Variants in DRD2 observed in about 807,000 individuals in gnomAD.
DRD2 encodes the protein dopamine receptor D2.
A neutral mutation model predicts 38.0 loss-of-function variants in DRD2; 8 were observed. The ratio of observed to expected loss-of-function variants is 0.21; its 90% CI spans 0.12 to 0.38. The LOEUF (loss-of-function observed/expected upper bound fraction) is 0.38. Ranked by LOEUF, DRD2 falls within the 10% of genes least tolerant of loss-of-function variation. The pLI is 1.00. For missense variants in DRD2, 403 were observed against 607.7 expected (o/e 0.66, Z 3.54); for synonymous variants, 230 against 238.6 (o/e 0.96, Z 0.33).
intron 1 of DRD2, chr11:113,424,919 G>A: frequency 1.9e-6 from 1 of 535,204 alleles, no homozygotes; most frequent in South Asian, 2.1e-5. Flanking sequence ...AATAAGATGA[G>A]CTTGAACAGA....
intron 1 of DRD2, among the ~76,000 whole-genome samples, chr11:113,450,961 C>T (rs2119905994): frequency 6.6e-6 from 1 of 152,258 alleles, no homozygotes; most frequent in Admixed American, 6.5e-5. Flanking sequence ...TTCCTGGAGA[C>T]CCAAAACATC....
Position 113,435,533 on chromosome 11 carries a change from C to T in DRD2, c.-31-10851G>A, listed in dbSNP as rs542497388. Reference sequence around the variant, plus strand: ...GGAGGTGTGGGGCTGGGGCCCCCTCCCTGAGAAGGGAACACAGTGGGGAGA... The same window carrying T: ...GGAGGTGTGGGGCTGGGGCCCCCTCTCTGAGAAGGGAACACAGTGGGGAGA... On this transcript the variant is annotated intron_variant, in intron 1 of 7. Coordinates refer to ENST00000362072, the MANE Select transcript of DRD2 (RefSeq NM_000795.4). Among the ~76,000 whole-genome samples, 246 of 152,178 alleles carry T rather than the reference C, an allele frequency of 1.6e-3. 1 individual carries two copies. The highest frequency in any genetic ancestry group is 2.2e-3 in the Non-Finnish European group (151 of 67,996).
chr11:113,469,674 A>T (rs1054174561), intron 1 of DRD2, among the ~76,000 whole-genome samples: 2 of 152,104 alleles, frequency 1.3e-5, no homozygotes, highest in Admixed American at 1.3e-4. Flanking sequence ...TATATCTACA[A>T]AAAATTCTTT....
At chr11:113,417,114 T>G (rs1030007806) in intron 3 of DRD2, 115 bp from the exon 4 acceptor site, 11 of 1,431,490 alleles carry the variant, frequency 7.7e-6, no homozygotes, top group African/African-American at 4.2e-5. Flanking sequence ...GACACACCTC[T>G]ATGAAGCTTG....
At chr11:113,466,408 G>A (rs1313945801) in intron 1 of DRD2, among the ~76,000 whole-genome samples, 1 of 139,328 alleles carries the variant, frequency 7.2e-6, no homozygotes, top group African/African-American at 2.5e-5. Flanking sequence ...ACACACCTGT[G>A]TATGTTTCCT....
intron 1 of DRD2, among the ~76,000 whole-genome samples, chr11:113,463,835 C>T (rs531289477): frequency 1.3e-5 from 2 of 152,262 alleles, no homozygotes; most frequent in East Asian, 3.9e-4. Context: ...AAGAGAGGCC[C>T]TTGGCCCAGG....
Position 113,437,994 on chromosome 11 carries a change from G to T in DRD2, c.-31-13312C>A, listed in dbSNP as rs554498269. 3.9e-5 allele frequency among the ~76,000 whole-genome samples: 6 copies of T among 152,228 alleles called. No homozygotes were observed. In the South Asian group the frequency reaches 1.2e-3, roughly 32 times the overall value. ...GAGCCCCCAGCTGCCTCTCCCAGTTGATGGAAGCAGGTTGGAAGAGCAGCC... is the reference window on the plus strand; with the variant it reads ...GAGCCCCCAGCTGCCTCTCCCAGTTTATGGAAGCAGGTTGGAAGAGCAGCC... On this transcript the variant is annotated intron_variant, in intron 1 of 7. Coordinates refer to ENST00000362072, the MANE Select transcript of DRD2 (RefSeq NM_000795.4).
At chr11:113,442,858 C>T (rs188449345) in intron 1 of DRD2, among the ~76,000 whole-genome samples, 59 of 152,328 alleles carry the variant, frequency 3.9e-4, no homozygotes, top group Non-Finnish European at 6.9e-4. Flanking sequence ...GGCAGGGCTG[C>T]TGGTGACCTG....
At chr11:113,470,946 G>T (rs547623342) in intron 1 of DRD2, among the ~76,000 whole-genome samples, 1 of 152,342 alleles carries the variant, frequency 6.6e-6, no homozygotes, top group Non-Finnish European at 1.5e-5. Flanking sequence ...GAGAGAAGAG[G>T]CTGTGCCTTC....
chr11:113,419,336 G>T (rs1221510774), intron 2 of DRD2, among the ~76,000 whole-genome samples: 1 of 152,194 alleles, frequency 6.6e-6, no homozygotes, highest in African/African-American at 2.4e-5. Flanking sequence ...CACCCGAGTG[G>T]GCTGGGGTAG....
At chr11:113,469,430 CT>C (rs1237553269) in intron 1 of DRD2, among the ~76,000 whole-genome samples, 1 of 152,138 alleles carries the variant, frequency 6.6e-6, no homozygotes. Context: ...TATTCTCCTC[CT>C]TTTCTTGTTC....
At chr11:113,413,091 C>T (rs1950786639) in intron 6 of DRD2, among the ~76,000 whole-genome samples, 1 of 152,188 alleles carries the variant, frequency 6.6e-6, no homozygotes, top group Admixed American at 6.5e-5. Context: ...TTTCCCATGG[C>T]AATCCTCATG....
chr11:113,434,669 A>G (rs1951019261), intron 1 of DRD2, among the ~76,000 whole-genome samples: 1 of 152,196 alleles, frequency 6.6e-6, no homozygotes, highest in Admixed American at 6.5e-5. Flanking sequence ...AAAGAAAAGC[A>G]CAGAGCTGGT....
chr11:113,427,292 C>G (rs1030694785), intron 1 of DRD2, among the ~76,000 whole-genome samples: 1 of 152,142 alleles, frequency 6.6e-6, no homozygotes, highest in African/African-American at 2.4e-5. Flanking sequence ...CTTTTCCAGT[C>G]CCTATGCATC....
chr11:113,435,355 C>T (rs1293153401), intron 1 of DRD2, among the ~76,000 whole-genome samples: 1 of 151,214 alleles, frequency 6.6e-6, no homozygotes, highest in Non-Finnish European at 1.5e-5. Flanking sequence ...GAGAATGGCT[C>T]AGTGATGCTG....
intron 2 of DRD2, among the ~76,000 whole-genome samples, chr11:113,423,478 G>A (rs1411339989): frequency 1.3e-5 from 2 of 152,118 alleles, no homozygotes; most frequent in African/African-American, 4.8e-5. Context: ...GTTTCACCAT[G>A]TTGGCCAGGC....
At chr11:113,472,949 A>C (rs556322710) in intron 1 of DRD2, among the ~76,000 whole-genome samples, 73 of 152,312 alleles carry the variant, frequency 4.8e-4, no homozygotes, top group Admixed American at 1.3e-3. Context: ...TGCATCCTTA[A>C]TTTCAGCAAA....
At chr11:113,417,884 A>G in intron 3 of DRD2, 143 bp downstream of exon 3, 1 of 721,986 alleles carries the variant, frequency 1.4e-6, no homozygotes, top group South Asian at 1.5e-5. Flanking sequence ...ATGCACACCC[A>G]TACACACAAA....
chr11:113,445,302 T>C (rs774218704), intron 1 of DRD2, among the ~76,000 whole-genome samples: 19 of 152,192 alleles, frequency 1.2e-4, no homozygotes, highest in Non-Finnish European at 2.6e-4. Flanking sequence ...ATTGAGCCAA[T>C]GTTATTTTCT....
Sources: gnomAD v4.1 joint callset for allele counts (sites outside exome capture counted in the v4.1 genomes callset) on GRCh38, gnomAD v4.1.1 for gene constraint, MANE v1.5 for transcripts, NCBI Gene and HGNC (gene_info 2026-07-23, HGNC 2026-07-21) for gene names.